The following PRKD2 variants were observed in gnomAD, a reference collection of about 807,000 sequenced individuals.
The protein encoded by PRKD2 is protein kinase D2.
In PRKD2, 22 loss-of-function variants were observed where a neutral mutation model predicts 86.0. The ratio of observed to expected loss-of-function variants is 0.26; its 90% CI spans 0.18 to 0.37. The LOEUF (loss-of-function observed/expected upper bound fraction) is 0.37. Among genes scored for constraint, PRKD2 ranks in the 10% least tolerant of loss-of-function variants. PRKD2 has a pLI of 1.00. For missense variants in PRKD2, 818 were observed against 1,199.2 expected, an observed-to-expected ratio of 0.68 and a Z score of 4.70; for synonymous variants, 509 against 510.9, an observed-to-expected ratio of 1.00 and a Z score of 0.05.
At chr19:46,676,857 C>G (rs2053212277) in intron 16 of PRKD2, among the ~76,000 whole-genome samples, 1 of 152,128 alleles carries the variant, frequency 6.6e-6, no homozygotes, top group Non-Finnish European at 1.5e-5. Flanking sequence ...GTCAGGAGTT[C>G]AAGACCAGCC....
chr19:46,704,377 G>C lies in PRKD2; in HGVS notation c.681C>G (p.Thr227=). 1 of 1,614,014 alleles carries C rather than the reference G, an allele frequency of 6.2e-7. No individual in the cohort carries two copies. The highest frequency in any genetic ancestry group is 8.5e-7 in the Non-Finnish European group (1 of 1,180,014). Residue 227 remains threonine, a synonymous_variant, in exon 5 of 18, where the codon ACC becomes ACG. Coordinates refer to ENST00000291281, the MANE Select transcript of PRKD2 (RefSeq NM_016457.5). ...ACGGGGGACGGCGAGGCAGGAGTTC[G>C]GTGGTGCTACGGCTCTGTCGTTGGC... is the stretch of plus-strand genomic sequence containing the variant. ...CTAEELSRST[T]ELLPRRPPSS...
At chr19:46,676,194 C>T (rs377361238) in intron 16 of PRKD2, among the ~76,000 whole-genome samples, 2 of 151,944 alleles carry the variant, frequency 1.3e-5, no homozygotes, top group Non-Finnish European at 1.5e-5. Context: ...TTTGGGAGGC[C>T]GAGGCGGGTG....
intron 5 of PRKD2, among the ~76,000 whole-genome samples, chr19:46,703,108 A>G (rs927070512): frequency 6.6e-6 from 1 of 152,148 alleles, no homozygotes; most frequent in South Asian, 2.1e-4. Context: ...TGATGTGCCT[A>G]TGTTTCTATT....
In PRKD2 at chr19:46,704,704, T is replaced by A. The variant is rs142743528; in HGVS notation, c.512-55A>T. 4 of 1,537,216 alleles carry A rather than the reference T, an allele frequency of 2.6e-6. No individual in the cohort carries two copies. The East Asian group carries it at 9.0e-5, about 35-fold the overall frequency. ...TGGCGTCTGCCCCTCCTAGGTCTCT[T>A]CTTGAGAAGTTGTGCCCTTTCCACC... On this transcript the variant is annotated intron_variant, in intron 3 of 17. Transcript: ENST00000291281.
At position 46,681,676 on chromosome 19, in the gene PRKD2, G is replaced by T. The variant is rs1263015374; in HGVS notation, c.2044C>A (p.Leu682Met). 6.3e-7 allele frequency: 1 copy of T among 1,592,966 alleles called. No individual in the cohort carries two copies. Among genetic ancestry groups the T allele is most frequent in the African/African-American group, 1.4e-5 (1 of 73,514 alleles). Reference protein sequence around the residue: ...HCDLKPENVLLASADPFPQVK... With the variant: ...HCDLKPENVLMASADPFPQVK... The stretch of plus-strand genomic sequence containing the variant: ...TGAGGAAATGGGTCTGCTGATGCCA[G>T]CAACACGTTTTCTGGTTTCAAGTCA... Residue 682 changes from leucine to methionine, a missense_variant, in exon 15 of 18, where the codon CTG (leucine) becomes ATG (methionine). Physicochemically the swap from Leu to Met is conservative, Grantham distance 15 (BLOSUM62 2). This residue lies in a region of PRKD2 where 154 missense variants were observed against 359.6 expected (regional missense o/e 0.43). Coordinates refer to ENST00000291281, the MANE Select transcript of PRKD2 (RefSeq NM_016457.5).
chr19:46,691,831 T>G (rs1038991947), intron 11 of PRKD2, 24 bp from the exon 12 acceptor site: 3 of 1,613,742 alleles, frequency 1.9e-6, no homozygotes, highest in Middle Eastern at 1.7e-4. Flanking sequence ...ACAGGGCAGG[T>G]CAGGGGTGCA....
rs1247260946 is a variant in PRKD2 at position 46,674,589 on chromosome 19, G to A, written c.2571C>T (p.Leu857=). 3 of 1,611,184 alleles carry A rather than the reference G, an allele frequency of 1.9e-6. No individual in the cohort carries two copies. Among genetic ancestry groups the A allele is most frequent in the Non-Finnish European group, 2.5e-6 (3 of 1,179,972 alleles). ...PGSGLPTDRD[L]GGACPPQDHD... is the part of the protein sequence containing the mutation. The stretch of plus-strand genomic sequence containing the variant: ...GGTCCTGTGGTGGACAGGCCCCACC[G>A]AGATCCCTGTCCGTGGGCAGCCCAG... Residue 857 remains leucine, a synonymous_variant, in exon 18 of 18, where the codon CTC becomes CTT. Transcript: ENST00000291281.
intron 5 of PRKD2, among the ~76,000 whole-genome samples, chr19:46,703,960 CACACA>C (rs2053672539): frequency 9.2e-6 from 1 of 108,882 alleles, no homozygotes; most frequent in African/African-American, 3.5e-5. Flanking sequence ...ACAACAACAA[CACACA>C]CACACACACA....
At chr19:46,712,066 TAAAAAAAAGAAAA>T (rs2053817129) in intron 2 of PRKD2, among the ~76,000 whole-genome samples, 2 of 137,848 alleles carry the variant, frequency 1.5e-5, no homozygotes, top group Non-Finnish European at 3.1e-5. Flanking sequence ...AGATTCTGTC[TAAAAAAAAGAAAA>T]AAAAAAAAAG....
Position 46,716,316 on chromosome 19 carries a change from AC to A in PRKD2, c.54del (p.Ser19LeufsTer8). 1 of 1,474,024 alleles carries A rather than the reference AC, an allele frequency of 6.8e-7. No homozygotes were observed. The highest frequency in any genetic ancestry group is 2.3e-5 in the Admixed American group (1 of 43,586). The allele number at this position is 1,474,024 out of a possible 1,614,324, so 91.3% of individuals were successfully genotyped here. On this transcript the variant is annotated frameshift_variant, in exon 1 of 18. Transcript: ENST00000291281. LOFTEE classifies it high-confidence loss of function. This position sits in a 1 kb window ranked among gnomAD's most constrained non-coding sequence, Gnocchi z 7.9. ...PAGLPGSPGP[G>X]SPPPPGGLEL... is the part of the protein sequence containing the mutation. ...TCTAGGCCGCCGGGGGGCGGAGGAG[AC>A]CCCGGCCCGGGAGAGCCAGGGAGCC...
chr19:46,676,034 T>C (rs2053196308), intron 16 of PRKD2, among the ~76,000 whole-genome samples: 1 of 152,094 alleles, frequency 6.6e-6, no homozygotes. Flanking sequence ...GCTGGGATTA[T>C]GGGCTTCAGC....
chr19:46,686,959 A>G (rs1416205856), intron 14 of PRKD2, among the ~76,000 whole-genome samples: 3 of 152,092 alleles, frequency 2.0e-5, no homozygotes, highest in Admixed American at 6.6e-5. Context: ...TCAAAAAAAA[A>G]TAAAAAATAA....
chr19:46,694,332 T>C (rs1375695928), intron 9 of PRKD2, among the ~76,000 whole-genome samples, 199 bp from the exon 10 acceptor site: 1 of 152,192 alleles, frequency 6.6e-6, no homozygotes. Flanking sequence ...CGGTGGCTCA[T>C]GCCTGTAATC....
At chr19:46,699,142 C>T (rs904392945) in intron 7 of PRKD2, among the ~76,000 whole-genome samples, 1 of 152,122 alleles carries the variant, frequency 6.6e-6, no homozygotes. Flanking sequence ...CCCTGGAACA[C>T]GGTGCCTCCA....
intron 3 of PRKD2, among the ~76,000 whole-genome samples, chr19:46,706,684 G>C (rs1374256667): frequency 6.6e-6 from 1 of 152,150 alleles, no homozygotes; most frequent in Non-Finnish European, 1.5e-5. Flanking sequence ...TAACCCATTA[G>C]GACTTGATGA....
In PRKD2 at chr19:46,674,617, C is replaced by T. The variant is rs2053167395; in HGVS notation, c.2543G>A (p.Gly848Glu). The change falls in exon 18 of 18, where the codon GGG becomes GAG. Residue 848 changes from glycine to glutamate, a missense_variant. Gly to Glu is a moderately conservative substitution (Grantham distance 98). Coordinates refer to ENST00000291281, the MANE Select transcript of PRKD2 (RefSeq NM_016457.5). ...EQFAAEHPLP[G>E]SGLPTDRDLG... Reference sequence around the variant, plus strand: ...ATCCCTGTCCGTGGGCAGCCCAGACCCAGGCAGCGGATGCTCTGCTGCAAA... The same window carrying T: ...ATCCCTGTCCGTGGGCAGCCCAGACTCAGGCAGCGGATGCTCTGCTGCAAA... 1 of 1,609,618 alleles carries T rather than the reference C, an allele frequency of 6.2e-7. No homozygotes were observed. Among genetic ancestry groups the T allele is most frequent in the Non-Finnish European group, 8.5e-7 (1 of 1,179,956 alleles).
intron 5 of PRKD2, among the ~76,000 whole-genome samples, chr19:46,702,038 GT>G (rs869093299): frequency 0.012 from 1,567 of 131,682 alleles, 27 homozygotes; most frequent in African/African-American, 0.038. Flanking sequence ...TCTGTTTTTT[GT>G]TTTTTTTTTT....
chr19:46,696,830 C>T (rs1182490681), intron 9 of PRKD2, among the ~76,000 whole-genome samples: 1 of 152,150 alleles, frequency 6.6e-6, no homozygotes, highest in Non-Finnish European at 1.5e-5. Flanking sequence ...ATATATACCA[C>T]GCCTTAAGCC....
intron 13 of PRKD2, among the ~76,000 whole-genome samples, chr19:46,690,339 AG>A (rs1479199708): frequency 6.6e-6 from 1 of 152,146 alleles, no homozygotes; most frequent in Non-Finnish European, 1.5e-5. Flanking sequence ...GTGGCTCTCC[AG>A]TACCCTCAGG....
Sources: gnomAD v4.1 joint callset for allele counts (sites outside exome capture counted in the v4.1 genomes callset) on GRCh38, gnomAD v4.1.1 for gene constraint, gnomAD v4.1.1 regional missense constraint, Gnocchi (gnomAD v3.1) non-coding constraint, MANE v1.5 for transcripts, NCBI Gene and HGNC (gene_info 2026-07-23, HGNC 2026-07-21) for gene names.